Variants in NKAIN3 observed in about 807,000 individuals in gnomAD.
NKAIN3 encodes the protein sodium/potassium transporting ATPase interacting 3, also known as sodium/potassium-transporting ATPase subunit beta-1-interacting protein 3.
A neutral mutation model predicts 30.2 loss-of-function variants in NKAIN3; 25 were observed. The ratio of observed to expected loss-of-function variants is 0.83; its 90% confidence interval spans 0.60 to 1.16. NKAIN3 has a LOEUF of 1.16. Among genes scored for constraint, NKAIN3 ranks in the 50% most tolerant of loss-of-function variants. The probability of loss-of-function intolerance (pLI) is 0.00; values close to 1 mark genes in which losing one functional copy is unlikely to be tolerated. For missense variants in NKAIN3, 225 were observed against 254.1 expected (o/e 0.89, Z 0.78); for synonymous variants, 91 against 89.6 (o/e 1.02, Z -0.09).
At chr8:62,302,187 A>G (rs1397620424) in intron 1 of NKAIN3, among the ~76,000 whole-genome samples, 1 of 152,066 alleles carries the variant, frequency 6.6e-6, no homozygotes, top group Non-Finnish European at 1.5e-5. Flanking sequence ...GGTTCGGCAA[A>G]TGGGTAAACC....
chr8:62,935,482 T>C (rs1030740936), intron 5 of NKAIN3, among the ~76,000 whole-genome samples: 5 of 152,220 alleles, frequency 3.3e-5, no homozygotes, highest in South Asian at 2.1e-4. Context: ...ACTACAATTT[T>C]TTTTTCCCAA....
intron 1 of NKAIN3, chr8:62,473,093 T>G (rs1806406868): frequency 6.6e-6 from 1 of 152,244 alleles, no homozygotes; most frequent in African/African-American, 2.4e-5. Context: ...TTGCTGCTGT[T>G]TAATTCTCCT....
chr8:62,811,693 G>A (rs1818494098), intron 4 of NKAIN3, among the ~76,000 whole-genome samples: 1 of 151,886 alleles, frequency 6.6e-6, no homozygotes, highest in South Asian at 2.1e-4. Flanking sequence ...GTCTATTTGT[G>A]TCTTTTGCCA....
chr8:62,549,900 A>G lies in NKAIN3; in HGVS notation c.55-29639A>G, dbSNP rs1388987781. Among the ~76,000 whole-genome samples, 3 of 149,608 alleles carry G rather than the reference A, an allele frequency of 2.0e-5. No homozygotes were observed. In the East Asian group the frequency reaches 5.9e-4, roughly 29 times the overall value. On this transcript the variant is annotated intron_variant, in intron 1 of 6. Transcript: ENST00000623646. ...AAGCCCAATACTCATGAAAAGAAAA[A>G]CTGAGTCTCCCTTTGCTCACCTTGT...
intron 1 of NKAIN3, among the ~76,000 whole-genome samples, chr8:62,422,119 G>A (rs6995358): frequency 0.091 from 13,812 of 152,112 alleles, 825 homozygotes; most frequent in African/African-American, 0.15. Context: ...AAGTTATTTT[G>A]TTTGGGGTAA....
intron 1 of NKAIN3, among the ~76,000 whole-genome samples, chr8:62,276,582 A>C (rs866337581): frequency 6.6e-6 from 1 of 152,224 alleles, no homozygotes; most frequent in Admixed American, 6.5e-5. Flanking sequence ...TGGATTTTGA[A>C]TGTACCTACG....
intron 5 of NKAIN3, among the ~76,000 whole-genome samples, chr8:62,926,069 G>GCCATTC (rs1822434046): frequency 6.6e-6 from 1 of 152,034 alleles, no homozygotes; most frequent in African/African-American, 2.4e-5. Flanking sequence ...AGGTGGTGCC[G>GCCATTC]AGTGGAAAAT....
In NKAIN3 at chr8:62,741,322, GA is replaced by G. The variant is rs542945182; in HGVS notation, c.274-5601del. Among the ~76,000 whole-genome samples, 92 of 146,006 alleles carry G rather than the reference GA, an allele frequency of 6.3e-4. No homozygotes were observed. In the South Asian group the frequency reaches 0.011, roughly 17 times the overall value. Reference sequence around the variant, plus strand: ...AAGTGGGAAGGGGGAGAGGGAGAAAGAAAAAAAAAGAATGAGTGAGAGAGAA... The same window carrying G: ...AAGTGGGAAGGGGGAGAGGGAGAAAGAAAAAAAAGAATGAGTGAGAGAGAA... On this transcript the variant is annotated intron_variant, in intron 3 of 6. Transcript: ENST00000623646.
intron 3 of NKAIN3, among the ~76,000 whole-genome samples, chr8:62,676,494 G>GGGA (rs1320707902): frequency 2.0e-5 from 3 of 152,184 alleles, no homozygotes; most frequent in Non-Finnish European, 2.9e-5. Context: ...GCGTGAACGT[G>GGGA]GGAGGCGGAG....
intron 1 of NKAIN3, among the ~76,000 whole-genome samples, chr8:62,518,726 G>A (rs1808068149): frequency 1.3e-5 from 2 of 152,172 alleles, no homozygotes; most frequent in East Asian, 3.9e-4. Flanking sequence ...AAAGTTAAAA[G>A]GTGAGACAAA....
At chr8:62,913,259 A>G (rs940293683) in intron 4 of NKAIN3, among the ~76,000 whole-genome samples, 1 of 152,140 alleles carries the variant, frequency 6.6e-6, no homozygotes, top group African/African-American at 2.4e-5. Flanking sequence ...ATTATATACT[A>G]TATGTATTTG....
At chr8:62,559,457 A>G (rs1482498575) in intron 1 of NKAIN3, among the ~76,000 whole-genome samples, 1 of 151,820 alleles carries the variant, frequency 6.6e-6, no homozygotes, top group Non-Finnish European at 1.5e-5. Flanking sequence ...TTTAGTTTTC[A>G]CTTTCTGTTT....
chr8:62,523,287 T>A (rs1013087220), intron 1 of NKAIN3, among the ~76,000 whole-genome samples: 1 of 152,176 alleles, frequency 6.6e-6, no homozygotes, highest in Admixed American at 6.6e-5. Context: ...TTTGTGTAAG[T>A]ACACTCTGTG....
intron 1 of NKAIN3, among the ~76,000 whole-genome samples, chr8:62,329,527 T>A (rs890657804): frequency 9.9e-5 from 15 of 152,116 alleles, no homozygotes; most frequent in African/African-American, 3.6e-4. Context: ...GTGTTTATCA[T>A]TCCCATCTTT....
intron 3 of NKAIN3, among the ~76,000 whole-genome samples, chr8:62,616,197 A>G (rs189621785): frequency 5.9e-5 from 9 of 151,608 alleles, no homozygotes; most frequent in Admixed American, 5.9e-4. Flanking sequence ...AGGTCCAACA[A>G]CTCCCTTTAA....
At chr8:62,435,964 C>A (rs984973928) in intron 1 of NKAIN3, among the ~76,000 whole-genome samples, 30 of 152,142 alleles carry the variant, frequency 2.0e-4, no homozygotes, top group Non-Finnish European at 5.9e-5. Flanking sequence ...TATGAGTATA[C>A]AATGCTTTAA....
At chr8:62,296,484 T>G (rs1325470806) in intron 1 of NKAIN3, among the ~76,000 whole-genome samples, 5 of 152,176 alleles carry the variant, frequency 3.3e-5, no homozygotes, top group Non-Finnish European at 7.3e-5. Flanking sequence ...TTTGAAAATC[T>G]TTGAACACAC....
intron 3 of NKAIN3, among the ~76,000 whole-genome samples, chr8:62,631,900 G>C (rs189771152): frequency 4.7e-4 from 72 of 152,298 alleles, no homozygotes; most frequent in African/African-American, 1.6e-3. Flanking sequence ...TTAAGGGTGA[G>C]TACAGTGTCT....
At chr8:62,526,876 C>G (rs955920550) in intron 1 of NKAIN3, among the ~76,000 whole-genome samples, 1 of 152,120 alleles carries the variant, frequency 6.6e-6, no homozygotes, top group African/African-American at 2.4e-5. Context: ...CAACAAAGGT[C>G]TCTGACACCA....
Sources: gnomAD v4.1 joint callset for allele counts (sites outside exome capture counted in the v4.1 genomes callset) on GRCh38, gnomAD v4.1.1 for gene constraint, MANE v1.5 for transcripts, NCBI Gene and HGNC (gene_info 2026-07-23, HGNC 2026-07-21) for gene names.